DNM3: variants seen among roughly 807,000 people sequenced by gnomAD.
The protein encoded by DNM3 is dynamin 3.
DNM3 carries 47 observed loss-of-function variants against 101.6 expected under a neutral mutation model. That is an observed-to-expected ratio of 0.46 (90% CI 0.37 to 0.59). The LOEUF is 0.59. DNM3 is among the 20% of genes least tolerant of loss of function. The pLI, the probability that DNM3 is intolerant of heterozygous loss-of-function variation, is 0.00. For synonymous variants in DNM3, 385 were observed against 387.9 expected (o/e 0.99, Z 0.09); for missense variants, 849 against 1,085.7 (o/e 0.78, Z 3.06).
At chr1:172,026,780 A>G (rs2048236902) in intron 4 of DNM3, among the ~76,000 whole-genome samples, 1 of 151,918 alleles carries the variant, frequency 6.6e-6, no homozygotes, top group South Asian at 2.1e-4. Flanking sequence ...CAGCCTCCCA[A>G]GTAGCTGGGA....
rs61313560 is a variant in DNM3, at chr1:171,974,868, G to GT, written c.236-12777dup. Among the ~76,000 whole-genome samples, 855 of 145,028 alleles carry GT rather than the reference G, an allele frequency of 5.9e-3. 6 individuals are homozygous for GT. The highest frequency in any genetic ancestry group is 0.034 in the East Asian group (169 of 4,942). ...CTTCTCCCCCTCTTCTTCTTCTACTGTTTTTTTTTTTGAGTTGGGGTCTTG... is the reference window on the plus strand; with the variant it reads ...CTTCTCCCCCTCTTCTTCTTCTACTGTTTTTTTTTTTTGAGTTGGGGTCTTG... On this transcript the variant is annotated intron_variant, in intron 2 of 20. Coordinates refer to ENST00000627582, the MANE Select transcript of DNM3 (RefSeq NM_015569.5).
At position 172,407,643 on chromosome 1, in the gene DNM3, A is replaced by T. The variant is rs905975338; in HGVS notation, c.2523-129A>T. 77 of 869,898 alleles carry T rather than the reference A, an allele frequency of 8.9e-5. No individual in the cohort carries two copies. The African/African-American group carries it at 9.3e-4, about 11-fold the overall frequency. 53.9% of individuals were successfully genotyped at this position (869,898 alleles called of 1,614,324 possible). ...GGTGACAATGTTAAAATCATTACAG[A>T]TCATAACCACTTCTGCTGGCCTGTA... On this transcript the variant is annotated intron_variant, in intron 20 of 20. Coordinates refer to ENST00000627582, the MANE Select transcript of DNM3 (RefSeq NM_015569.5).
chr1:172,226,861 T>A (rs974967268), intron 14 of DNM3, among the ~76,000 whole-genome samples: 10 of 152,116 alleles, frequency 6.6e-5, no homozygotes, highest in African/African-American at 2.4e-4. Flanking sequence ...TAAAAATGGA[T>A]TTACTGGGTC....
intron 18 of DNM3, among the ~76,000 whole-genome samples, chr1:172,381,234 A>C (rs971798333): frequency 6.6e-6 from 1 of 151,932 alleles, no homozygotes; most frequent in Non-Finnish European, 1.5e-5. Context: ...CTTGAGAGAG[A>C]CCTCACATAA....
intron 14 of DNM3, among the ~76,000 whole-genome samples, chr1:172,163,662 G>A (rs1483397345): frequency 1.3e-5 from 2 of 151,836 alleles, no homozygotes; most frequent in African/African-American, 4.8e-5. Flanking sequence ...CAGGCCTCTG[G>A]CAACAACATT....
intron 17 of DNM3, among the ~76,000 whole-genome samples, chr1:172,327,729 G>A (rs543194420): frequency 4.6e-5 from 7 of 152,004 alleles, no homozygotes; most frequent in South Asian, 2.1e-4. Context: ...AAGGAACACC[G>A]TCCCCCACCA....
At chr1:172,344,337 G>A (rs183470351) in intron 17 of DNM3, among the ~76,000 whole-genome samples, 1 of 152,194 alleles carries the variant, frequency 6.6e-6, no homozygotes, top group African/African-American at 2.4e-5. Context: ...GTTGTGAGTG[G>A]GTTAGAAGGT....
intron 13 of DNM3, among the ~76,000 whole-genome samples, chr1:172,128,352 A>G (rs982221887): frequency 1.2e-4 from 19 of 152,118 alleles, no homozygotes; most frequent in Non-Finnish European, 2.6e-4. Context: ...CAGTTTCCCA[A>G]ACTGGGTCTT....
At chr1:172,039,257 T>A (rs2049188231) in intron 7 of DNM3, among the ~76,000 whole-genome samples, 1 of 152,084 alleles carries the variant, frequency 6.6e-6, no homozygotes, top group Admixed American at 6.6e-5. Context: ...AAGGTCTACC[T>A]CCGAAGATGA....
chr1:172,258,220 T>C (rs769748165), intron 15 of DNM3, among the ~76,000 whole-genome samples: 5 of 152,194 alleles, frequency 3.3e-5, no homozygotes, highest in Non-Finnish European at 7.4e-5. Flanking sequence ...ATCTTTGCTA[T>C]TGTAAATAGT....
chr1:172,131,725 A>C (rs2056946842), intron 14 of DNM3: 1 of 310,798 alleles, frequency 3.2e-6, no homozygotes, highest in African/African-American at 2.2e-5. Context: ...ATCTGTCTCA[A>C]ATGAAAGGCT....
At chr1:172,231,492 G>GA (rs1016934787) in intron 14 of DNM3, among the ~76,000 whole-genome samples, 1 of 152,046 alleles carries the variant, frequency 6.6e-6, no homozygotes, top group African/African-American at 2.4e-5. Flanking sequence ...TAAAGATGGG[G>GA]AAAAAACAGA....
chr1:172,055,002 A>G (rs533699984), intron 10 of DNM3, among the ~76,000 whole-genome samples: 1 of 146,386 alleles, frequency 6.8e-6, no homozygotes, highest in African/African-American at 2.5e-5. Context: ...ACAGGGAAAG[A>G]TTTTCCATTA....
intron 2 of DNM3, among the ~76,000 whole-genome samples, chr1:171,932,208 C>T (rs2041079991): frequency 1.3e-5 from 2 of 150,832 alleles, no homozygotes; most frequent in Admixed American, 1.3e-4. Context: ...GTGGCATGAT[C>T]ATTGCTCAGT....
intron 2 of DNM3, among the ~76,000 whole-genome samples, chr1:171,983,291 C>G (rs372997500): frequency 6.6e-6 from 1 of 151,686 alleles, no homozygotes; most frequent in Non-Finnish European, 1.5e-5. Flanking sequence ...CTCATCACTA[C>G]AAAAAATAAA....
At chr1:172,014,484 G>A (rs1412753428) in intron 4 of DNM3, among the ~76,000 whole-genome samples, 3 of 152,108 alleles carry the variant, frequency 2.0e-5, no homozygotes, top group African/African-American at 7.2e-5. Flanking sequence ...GTGGATCTTA[G>A]CCATTCTAAT....
At chr1:172,328,338 T>G (rs2066026307) in intron 17 of DNM3, among the ~76,000 whole-genome samples, 4 of 152,194 alleles carry the variant, frequency 2.6e-5, no homozygotes, top group African/African-American at 9.6e-5. Flanking sequence ...TTAATGGAAC[T>G]GGTTTAACAC....
intron 1 of DNM3, among the ~76,000 whole-genome samples, chr1:171,873,167 T>A (rs2035453450): frequency 6.6e-6 from 1 of 152,198 alleles, no homozygotes; most frequent in African/African-American, 2.4e-5. Context: ...GCTGTGAAGT[T>A]GTCCAATCTC....
intron 14 of DNM3, among the ~76,000 whole-genome samples, chr1:172,252,891 A>G (rs2062233467): frequency 6.6e-6 from 1 of 152,150 alleles, no homozygotes; most frequent in African/African-American, 2.4e-5. Flanking sequence ...AGTTTGTTCT[A>G]GTCAATATCA....
Sources: gnomAD v4.1 joint callset for allele counts (sites outside exome capture counted in the v4.1 genomes callset) on GRCh38, gnomAD v4.1.1 for gene constraint, MANE v1.5 for transcripts, NCBI Gene and HGNC (gene_info 2026-07-23, HGNC 2026-07-21) for gene names.